The following ADGRV1 variants were observed in gnomAD, a reference collection of about 807,000 sequenced individuals.
The protein encoded by ADGRV1 is adhesion G protein-coupled receptor V1, also known as G-protein coupled receptor 98.
ADGRV1 carries 359 observed loss-of-function variants against 596.2 expected under a neutral mutation model. The ratio of observed to expected loss-of-function variants is 0.60; its 90% CI spans 0.55 to 0.66. The LOEUF (loss-of-function observed/expected upper bound fraction) is 0.66, where lower values mean the gene tolerates loss of function less well. Ranked by LOEUF, ADGRV1 falls within the 30% of genes least tolerant of loss-of-function variation. The probability of loss-of-function intolerance (pLI) is 0.00; values close to 1 mark genes in which losing one functional copy is unlikely to be tolerated. For synonymous variants in ADGRV1, 2,681 were observed against 2,679.2 expected (o/e 1.00, Z -0.02); for missense variants, 7,274 against 7,575.6 (o/e 0.96, Z 1.48).
At chr5:91,088,221 A>G (rs1399678912) in intron 86 of ADGRV1, among the ~76,000 whole-genome samples, 1 of 152,210 alleles carries the variant, frequency 6.6e-6, no homozygotes, top group Non-Finnish European at 1.5e-5. Flanking sequence ...TAATTGAAAT[A>G]AACATCATTT....
intron 85 of ADGRV1, among the ~76,000 whole-genome samples, chr5:91,057,425 T>G (rs1296136491): frequency 6.6e-6 from 1 of 152,252 alleles, no homozygotes; most frequent in African/African-American, 2.4e-5. Flanking sequence ...ATTTACTGTC[T>G]ATTAGATCAT....
At chr5:90,784,611 A>G (rs1299615335) in intron 67 of ADGRV1, among the ~76,000 whole-genome samples, 1 of 152,184 alleles carries the variant, frequency 6.6e-6, no homozygotes, top group African/African-American at 2.4e-5. Flanking sequence ...CTGCAGAGGC[A>G]TAAGCTGGCA....
intron 83 of ADGRV1, among the ~76,000 whole-genome samples, chr5:90,942,885 T>C (rs905749014): frequency 1.3e-5 from 2 of 152,128 alleles, no homozygotes; most frequent in African/African-American, 4.8e-5. Context: ...TAATGATGAA[T>C]ACTTTAGGAA....
chr5:90,849,656 C>G (rs1766284763), intron 79 of ADGRV1, among the ~76,000 whole-genome samples: 1 of 152,178 alleles, frequency 6.6e-6, no homozygotes, highest in Non-Finnish European at 1.5e-5. Context: ...TCCCAAAATG[C>G]TGGGATTACA....
At chr5:90,605,707 C>T (rs1762035823) in intron 1 of ADGRV1, among the ~76,000 whole-genome samples, 1 of 152,044 alleles carries the variant, frequency 6.6e-6, no homozygotes, top group African/African-American at 2.4e-5. Flanking sequence ...TTTTATTCAA[C>T]CCATTAGTTA....
intron 1 of ADGRV1, among the ~76,000 whole-genome samples, chr5:90,608,766 A>G (rs1409151662): frequency 6.6e-6 from 1 of 152,098 alleles, no homozygotes; most frequent in Non-Finnish European, 1.5e-5. Flanking sequence ...AAACACAGGA[A>G]AGGATTCAAA....
chr5:91,057,995 C>A (rs1421642528), intron 85 of ADGRV1, among the ~76,000 whole-genome samples: 11 of 152,120 alleles, frequency 7.2e-5, no homozygotes, highest in African/African-American at 1.2e-4. Flanking sequence ...AGTCCCCTAA[C>A]CCCTGGGAAT....
chr5:90,791,558 T>C (rs1429704891), intron 70 of ADGRV1: 2 of 537,802 alleles, frequency 3.7e-6, no homozygotes, highest in Non-Finnish European at 6.6e-6. Flanking sequence ...GATTTTTGTG[T>C]AGAAAGTAAC....
rs370383237 is a variant in ADGRV1, at chr5:90,691,024, G to A, written c.6934G>A (p.Val2312Ile). The A allele has an allele frequency of 1.4e-5, 22 of 1,613,472 alleles. No homozygotes were observed. The highest frequency in any genetic ancestry group is 4.0e-5 in the African/African-American group (3 of 74,906). Residue 2312 changes from valine (V) to isoleucine (I), a missense_variant, in exon 31 of 90, where the codon GTT becomes ATT. Val to Ile is a conservative substitution (Grantham distance 29). Transcript: ENST00000405460. ...GTTGTTAGAGGTCCTGGCTGACGAC[G>A]TTCCGGAGATTGAAGAGGTGAGAGG... ...TLLLEVLADD[V>I]PEIEEVIQVQ...
chr5:90,877,225 C>T (rs375443595), intron 83 of ADGRV1, among the ~76,000 whole-genome samples: 24 of 152,174 alleles, frequency 1.6e-4, no homozygotes, highest in African/African-American at 4.6e-4. Flanking sequence ...GGATTAGTGA[C>T]GCAAAAAGGA....
chr5:90,663,388 T>C (rs1316202046), intron 21 of ADGRV1, among the ~76,000 whole-genome samples: 2 of 151,438 alleles, frequency 1.3e-5, no homozygotes, highest in South Asian at 2.1e-4. Flanking sequence ...TTTCATGTGT[T>C]TTTTGGCTGC....
chr5:91,011,122 A>T (rs16869341), intron 85 of ADGRV1, among the ~76,000 whole-genome samples: 1 of 151,702 alleles, frequency 6.6e-6, no homozygotes. Context: ...TCTGCTTTAG[A>T]TTTGTATGAT....
chr5:90,667,743 A>G (rs1347612684), intron 21 of ADGRV1, among the ~76,000 whole-genome samples: 4 of 152,128 alleles, frequency 2.6e-5, no homozygotes, highest in Admixed American at 6.5e-5. Flanking sequence ...TTTGTGGTTT[A>G]TCTACTGTTG....
intron 83 of ADGRV1, among the ~76,000 whole-genome samples, chr5:90,946,752 ATGGCTTC>A (rs1278615818): frequency 1.1e-4 from 17 of 152,056 alleles, no homozygotes; most frequent in Admixed American, 7.9e-4. Context: ...GCTGAGGATA[ATGGCTTC>A]TAGCTACATC....
chr5:90,716,340 A>G lies in ADGRV1; in HGVS notation c.9185-127A>G, dbSNP rs967676104. 7.5e-6 allele frequency: 4 copies of G among 530,494 alleles called. No homozygotes were observed. The African/African-American group carries it at 7.6e-5, about 10-fold the overall frequency. 32.9% of individuals were successfully genotyped at this position (530,494 alleles called of 1,614,324 possible). A position where few individuals can be genotyped will look rare whatever the true frequency, so the allele number is the denominator to read the frequency against. ...GCTTTAAAAAATTCTGTCATTTTTA[A>G]GATCATCTTAAGACAATCACCTTAG... On this transcript the variant is annotated intron_variant, in intron 42 of 89. Transcript: ENST00000405460.
intron 83 of ADGRV1, among the ~76,000 whole-genome samples, chr5:90,925,621 A>C (rs1239165703): frequency 6.7e-6 from 1 of 150,360 alleles, no homozygotes; most frequent in Non-Finnish European, 1.5e-5. Context: ...AATACCCTTT[A>C]TTTCCTTCTC....
At chr5:91,022,344 A>G (rs1701939610) in intron 85 of ADGRV1, among the ~76,000 whole-genome samples, 1 of 152,028 alleles carries the variant, frequency 6.6e-6, no homozygotes, top group Non-Finnish European at 1.5e-5. Flanking sequence ...GGTCCATCCA[A>G]CTACTCATCG....
chr5:90,757,314 A>G (rs140136411), intron 57 of ADGRV1, among the ~76,000 whole-genome samples, 153 bp downstream of exon 57: 218 of 152,356 alleles, frequency 1.4e-3, no homozygotes, highest in African/African-American at 4.8e-3. Flanking sequence ...TTGAAATACA[A>G]TTTATTAATG....
At chr5:91,047,175 C>T (rs760955624) in intron 85 of ADGRV1, among the ~76,000 whole-genome samples, 5 of 152,078 alleles carry the variant, frequency 3.3e-5, no homozygotes, top group Non-Finnish European at 7.4e-5. Flanking sequence ...CTAGTTGCCA[C>T]GCCTAGTAAC....
Sources: allele counts gnomAD v4.1 joint callset (sites outside exome capture counted in the v4.1 genomes callset), GRCh38; gene constraint gnomAD v4.1.1; transcripts MANE v1.5; gene names NCBI Gene and HGNC (gene_info 2026-07-23, HGNC 2026-07-21).